CNNM2: variants seen among roughly 807,000 people sequenced by gnomAD.
The protein encoded by CNNM2 is metal transporter CNNM2.
A neutral mutation model predicts 66.9 loss-of-function variants in CNNM2; 12 were observed. The ratio of observed to expected loss-of-function variants is 0.18; its 90% CI spans 0.11 to 0.29. The LOEUF (loss-of-function observed/expected upper bound fraction) is 0.29. Among genes scored for constraint, CNNM2 ranks in the 10% least tolerant of loss-of-function variants. The probability of loss-of-function intolerance (pLI) is 1.00; values close to 1 mark genes in which losing one functional copy is unlikely to be tolerated. For synonymous variants in CNNM2, 557 were observed against 501.8 expected (o/e 1.11, Z -1.47); for missense variants, 705 against 1,167.7 (o/e 0.60, Z 5.77).
chr10:102,927,591 C>T (rs181421079), intron 1 of CNNM2: 31 of 775,372 alleles, frequency 4.0e-5, no homozygotes, highest in Admixed American at 1.2e-4. Flanking sequence ...GGTGAAACCC[C>T]GTTTCTAATA....
chr10:103,045,202 T>C (rs2065107028), intron 1 of CNNM2, among the ~76,000 whole-genome samples: 1 of 152,236 alleles, frequency 6.6e-6, no homozygotes, highest in Non-Finnish European at 1.5e-5. Context: ...GTGGATGAGA[T>C]GAGAATTGAC....
intron 3 of CNNM2, among the ~76,000 whole-genome samples, chr10:103,055,643 T>C (rs953764329): frequency 6.6e-6 from 1 of 152,248 alleles, no homozygotes; most frequent in Non-Finnish European, 1.5e-5. Flanking sequence ...TTTCTAAAAT[T>C]CCTGTAATTA....
chr10:102,960,569 C>T (rs183428945), intron 1 of CNNM2, among the ~76,000 whole-genome samples: 32 of 151,856 alleles, frequency 2.1e-4, no homozygotes, highest in African/African-American at 4.6e-4. Flanking sequence ...GAGATTACAC[C>T]GGGTTGTAAT....
Position 103,049,756 on chromosome 10 carries a change from G to T in CNNM2, c.1671G>T (p.Gly557=). 6.2e-7 allele frequency: 1 copy of T among 1,613,558 alleles called. No homozygotes were observed. The highest frequency in any genetic ancestry group is 8.5e-7 in the Non-Finnish European group (1 of 1,179,554). ...IVQRVNNEGE[G]DPFYEVLGIV... ...AGCGGGTAAACAATGAGGGAGAAGG[G>T]GATCCATTTTATGAAGTTCTGGGAA... Residue 557 remains glycine (G), a synonymous_variant, in exon 2 of 8, where the codon GGG becomes GGT. Coordinates refer to ENST00000369878, the MANE Select transcript of CNNM2 (RefSeq NM_017649.5).
chr10:103,074,839 G>GA (rs1305215293), intron 6 of CNNM2, among the ~76,000 whole-genome samples: 1 of 151,926 alleles, frequency 6.6e-6, no homozygotes, highest in Admixed American at 6.6e-5. Context: ...GTCTCAAAAA[G>GA]AAAAAAATAT....
chr10:102,933,789 A>G (rs1846138282), intron 1 of CNNM2, among the ~76,000 whole-genome samples: 1 of 152,142 alleles, frequency 6.6e-6, no homozygotes, highest in South Asian at 2.1e-4. Context: ...TAGTCCAGGA[A>G]GAAACGGATA....
At chr10:102,971,242 G>A (rs144057970) in intron 1 of CNNM2, among the ~76,000 whole-genome samples, 301 of 126,828 alleles carry the variant, frequency 2.4e-3, no homozygotes, top group African/African-American at 8.4e-3. Flanking sequence ...TAGAGACCTC[G>A]TCCCTAAAAA....
intron 1 of CNNM2, among the ~76,000 whole-genome samples, chr10:103,030,788 C>T (rs903553176): frequency 5.9e-5 from 9 of 152,062 alleles, no homozygotes; most frequent in Non-Finnish European, 5.9e-5. Flanking sequence ...ATGTCATAGC[C>T]GGATGAAACT....
At chr10:103,031,033 T>C (rs1225844016) in intron 1 of CNNM2, among the ~76,000 whole-genome samples, 1 of 152,148 alleles carries the variant, frequency 6.6e-6, no homozygotes, top group Non-Finnish European at 1.5e-5. Context: ...GTGGAGTATG[T>C]AGATTTTAGG....
chr10:102,957,502 T>C (rs1299470722), intron 1 of CNNM2, among the ~76,000 whole-genome samples: 2 of 152,194 alleles, frequency 1.3e-5, no homozygotes, highest in Non-Finnish European at 2.9e-5. Flanking sequence ...CTCTATGCAC[T>C]AGGTAATTAC....
At chr10:102,942,981 T>C (rs1197320648) in intron 1 of CNNM2, among the ~76,000 whole-genome samples, 2 of 152,032 alleles carry the variant, frequency 1.3e-5, no homozygotes, top group Non-Finnish European at 2.9e-5. Flanking sequence ...TCCCAGCACT[T>C]TGGGAAGCTG....
rs2065712738 is a variant in CNNM2 at position 103,077,615 on chromosome 10, A to G, written c.*435A>G. The G allele has an allele frequency of 6.1e-6, 1 of 163,636 alleles. No individual in the cohort carries two copies. The highest frequency in any genetic ancestry group is 1.3e-5 in the Non-Finnish European group (1 of 74,816). The allele number at this position is 163,636 out of a possible 1,614,324, so 10.1% of individuals were successfully genotyped here. ...GCTGTGATCCCATGATGTGACCCTG[A>G]TGGGCTGGACTTGCCCCTCCGGTAG... On this transcript the variant is annotated 3_prime_UTR_variant, in exon 8 of 8. Transcript: ENST00000369878.
chr10:102,934,259 A>C (rs1439909720), intron 1 of CNNM2, among the ~76,000 whole-genome samples: 3 of 146,178 alleles, frequency 2.1e-5, no homozygotes, highest in Non-Finnish European at 4.5e-5. Flanking sequence ...AAGCAAGTCT[A>C]TTTCTTTCTT....
In CNNM2 at chr10:103,086,153, C is replaced by G. The variant is rs1174120735; in HGVS notation, c.*8973C>G. The G allele has an allele frequency of 6.6e-6, 1 of 152,204 alleles. No individual in the cohort carries two copies. The highest frequency in any genetic ancestry group is 1.5e-5 in the Non-Finnish European group (1 of 68,034). 9.4% of individuals were successfully genotyped at this position (152,204 alleles called of 1,614,324 possible). A position where few individuals can be genotyped will look rare whatever the true frequency, so the allele number is the denominator to read the frequency against. ...TGTTTTTCTTCTATCTGCAGGGTTGCTCTGGTAGCTCCATGGTAGAGATTT... is the reference window on the plus strand; with the variant it reads ...TGTTTTTCTTCTATCTGCAGGGTTGGTCTGGTAGCTCCATGGTAGAGATTT... On this transcript the variant is annotated 3_prime_UTR_variant, in exon 8 of 8. Transcript: ENST00000369878.
At chr10:103,075,961 C>T (rs1465811319) in intron 6 of CNNM2, 125 bp from the exon 7 acceptor site, 9 of 903,756 alleles carry the variant, frequency 1.0e-5, no homozygotes, top group South Asian at 5.1e-5. Flanking sequence ...ACTGTGCGGC[C>T]GAGACATCTG....
intron 1 of CNNM2, among the ~76,000 whole-genome samples, chr10:102,960,117 G>A (rs1406047753): frequency 6.6e-6 from 1 of 152,130 alleles, no homozygotes; most frequent in East Asian, 1.9e-4. Flanking sequence ...CTCTCCTAGG[G>A]TCATGAAAGG....
chr10:102,938,764 C>T (rs1425135641), intron 1 of CNNM2, among the ~76,000 whole-genome samples: 1 of 151,804 alleles, frequency 6.6e-6, no homozygotes, highest in Non-Finnish European at 1.5e-5. Context: ...GCCTATTAGA[C>T]AGTTAAATTT....
chr10:103,077,195 A>C lies in CNNM2; in HGVS notation c.*15A>C. On this transcript the variant is annotated 3_prime_UTR_variant, in exon 8 of 8. Coordinates refer to ENST00000369878, the MANE Select transcript of CNNM2 (RefSeq NM_017649.5). Reference sequence around the variant, plus strand: ...GCGCCATCTAGGCCGCGCTGGCTGCACCCGCCCAGGCCCGCACCCGCCCAG... The same window carrying C: ...GCGCCATCTAGGCCGCGCTGGCTGCCCCCGCCCAGGCCCGCACCCGCCCAG... 1 of 1,608,890 alleles carries C rather than the reference A, an allele frequency of 6.2e-7. No individual in the cohort carries two copies. Among genetic ancestry groups the C allele is most frequent in the East Asian group, 2.2e-5 (1 of 44,864 alleles).
intron 6 of CNNM2, among the ~76,000 whole-genome samples, chr10:103,073,752 C>T (rs1374281021): frequency 6.6e-6 from 1 of 151,626 alleles, no homozygotes; most frequent in Non-Finnish European, 1.5e-5. Flanking sequence ...GTCCCAGCTA[C>T]TCGGGAGGCT....
Sources: allele counts gnomAD v4.1 joint callset (sites outside exome capture counted in the v4.1 genomes callset), GRCh38; gene constraint gnomAD v4.1.1; transcripts MANE v1.5; gene names NCBI Gene and HGNC (gene_info 2026-07-23, HGNC 2026-07-21).